The following NBEAL1 variants were observed in gnomAD, a reference collection of about 807,000 sequenced individuals.
NBEAL1 encodes the protein neurobeachin like 1.
NBEAL1 carries 273 observed loss-of-function variants against 351.3 expected under a neutral mutation model. The observed-to-expected ratio is 0.78, with a 90% CI of 0.70 to 0.86. The LOEUF (loss-of-function observed/expected upper bound fraction) is 0.86. Among genes scored for constraint, NBEAL1 ranks in the 40% least tolerant of loss-of-function variants. The pLI, the probability that NBEAL1 is intolerant of heterozygous loss-of-function variation, is 0.00. For synonymous variants in NBEAL1, 1,050 were observed against 1,086.4 expected, an observed-to-expected ratio of 0.97 and a Z score of 0.66; for missense variants, 2,961 against 3,201.3, an observed-to-expected ratio of 0.92 and a Z score of 1.81.
At position 203,183,295 on chromosome 2, in the gene NBEAL1, T is replaced by C; in HGVS notation, c.6612T>C (p.Arg2204=). The C allele has an allele frequency of 1.9e-6, 3 of 1,580,344 alleles. No individual in the cohort carries two copies. The highest frequency in any genetic ancestry group is 4.5e-5 in the East Asian group (2 of 44,344). ...ATGTCTTAGAATTTAACTTGGGTCG[T>C]CTACAGATTTCCAAAGAATTAGTAA... ...LENQNQFNLG[R]LQISKELVND... The change falls in exon 44 of 56, where the codon CGT becomes CGC. Residue 2204 remains arginine (R), a synonymous_variant. Coordinates refer to ENST00000683969, the MANE Select transcript of NBEAL1 (RefSeq NM_001378026.1).
At chr2:203,190,678 TAAG>T in intron 46 of NBEAL1, 1 of 229,680 alleles carries the variant, frequency 4.4e-6, no homozygotes, top group Non-Finnish European at 6.8e-6. Context: ...AACCCAGTCT[TAAG>T]AATCAAATTG....
Position 203,138,090 on chromosome 2 carries a change from T to C in NBEAL1, c.4566-72T>C, listed in dbSNP as rs1407222660. On this transcript the variant is annotated intron_variant, in intron 29 of 55. Transcript: ENST00000683969. ...TACAGTGCTGCCTCTCAAGCTATTT[T>C]GTTTTGTTTTTAATGTCCTACTGTT... 2.1e-6 allele frequency: 3 copies of C among 1,442,488 alleles called. No homozygotes were observed. The African/African-American group carries it at 4.3e-5, about 20-fold the overall frequency. The allele number at this position is 1,442,488 out of a possible 1,614,324, so 89.4% of individuals were successfully genotyped here. A position where few individuals can be genotyped will look rare whatever the true frequency, so the allele number is the denominator to read the frequency against.
At chr2:203,091,596 A>T (rs1333192797) in intron 10 of NBEAL1, among the ~76,000 whole-genome samples, 1 of 152,176 alleles carries the variant, frequency 6.6e-6, no homozygotes, top group Admixed American at 6.5e-5. Flanking sequence ...AACAGTGCAC[A>T]AAGTTTTCAA....
chr2:203,204,859 G>T (rs569803349), intron 51 of NBEAL1, among the ~76,000 whole-genome samples: 1 of 152,018 alleles, frequency 6.6e-6, no homozygotes, highest in East Asian at 1.9e-4. Flanking sequence ...CAATTATATC[G>T]AATTACTTTG....
At chr2:203,064,135 C>T (rs950123178) in intron 6 of NBEAL1, among the ~76,000 whole-genome samples, 3 of 152,010 alleles carry the variant, frequency 2.0e-5, no homozygotes, top group Admixed American at 6.6e-5. Context: ...CTCACTGCAA[C>T]CTCCGCCTCC....
At chr2:203,121,558 A>G (rs895664578) in intron 18 of NBEAL1, among the ~76,000 whole-genome samples, 1 of 151,280 alleles carries the variant, frequency 6.6e-6, no homozygotes, top group Admixed American at 6.6e-5. Flanking sequence ...AGGCTGAGGC[A>G]GGAGAATTGC....
chr2:203,209,711 A>ATGTG (rs1491566182), intron 53 of NBEAL1, among the ~76,000 whole-genome samples: 5 of 32,944 alleles, frequency 1.5e-4, no homozygotes, highest in East Asian at 1.8e-3. Context: ...TATTTAATTA[A>ATGTG]TATGTGTGTG....
chr2:203,149,177 C>G (rs772498452), intron 34 of NBEAL1, 29 bp downstream of exon 34: 1 of 1,542,522 alleles, frequency 6.5e-7, no homozygotes, highest in Non-Finnish European at 8.8e-7. Flanking sequence ...ATTAAGTACT[C>G]CTTTTTCTTT....
At chr2:203,033,117 C>G (rs2060978230) in intron 2 of NBEAL1, among the ~76,000 whole-genome samples, 1 of 152,070 alleles carries the variant, frequency 6.6e-6, no homozygotes, top group Non-Finnish European at 1.5e-5. Flanking sequence ...TCTCCTGCCT[C>G]AGCCTCCCGA....
At chr2:203,153,330 C>T (rs796677321) in intron 35 of NBEAL1, among the ~76,000 whole-genome samples, 1 of 131,686 alleles carries the variant, frequency 7.6e-6, no homozygotes, top group Non-Finnish European at 1.6e-5. Flanking sequence ...TTGGTAGAGA[C>T]AAGGTCTCAC....
chr2:203,183,932 G>A (rs937146143), intron 44 of NBEAL1, among the ~76,000 whole-genome samples: 1 of 151,938 alleles, frequency 6.6e-6, no homozygotes, highest in Non-Finnish European at 1.5e-5. Context: ...AAAAAAATTA[G>A]CCAGGCGTGG....
intron 6 of NBEAL1, among the ~76,000 whole-genome samples, chr2:203,057,901 T>C (rs2061431984): frequency 6.6e-6 from 1 of 151,498 alleles, no homozygotes; most frequent in Non-Finnish European, 1.5e-5. Flanking sequence ...AGTGGCACAG[T>C]GGCATGATTT....
chr2:203,098,459 A>G (rs949624277), intron 11 of NBEAL1, among the ~76,000 whole-genome samples: 1 of 152,206 alleles, frequency 6.6e-6, no homozygotes. Flanking sequence ...TACTTAATGT[A>G]GATTAATAAA....
chr2:203,052,760 A>G (rs2061344101), intron 4 of NBEAL1, among the ~76,000 whole-genome samples: 1 of 102,638 alleles, frequency 9.7e-6, no homozygotes, highest in African/African-American at 3.6e-5. Context: ...ATTTATTTGT[A>G]TTTTTTGTAG....
intron 24 of NBEAL1, 65 bp from the exon 25 acceptor site, chr2:203,130,253 A>G (rs1259991066): frequency 3.6e-6 from 5 of 1,382,226 alleles, no homozygotes; most frequent in Middle Eastern, 1.8e-4. Context: ...TTTGTGGCTT[A>G]TGACCTTATT....
intron 3 of NBEAL1, among the ~76,000 whole-genome samples, chr2:203,046,441 T>C (rs544558331): frequency 3.7e-4 from 56 of 151,978 alleles, no homozygotes; most frequent in African/African-American, 1.0e-3. Flanking sequence ...ATGGTCTCCA[T>C]CTCCTGACCT....
intron 4 of NBEAL1, among the ~76,000 whole-genome samples, chr2:203,053,184 A>C (rs961756014): frequency 6.6e-6 from 1 of 152,166 alleles, no homozygotes; most frequent in Non-Finnish European, 1.5e-5. Flanking sequence ...ACCATTTTGC[A>C]TTCCCACCAA....
chr2:203,040,079 T>C, intron 2 of NBEAL1: 1 of 770,304 alleles, frequency 1.3e-6, no homozygotes, highest in Non-Finnish European at 2.2e-6. Context: ...GGTGGGGTTG[T>C]GCATGATCAG....
Position 203,097,534 on chromosome 2 carries a change from C to T in NBEAL1, c.1099-13C>T, listed in dbSNP as rs921729508. 1 of 971,414 alleles carries T rather than the reference C, an allele frequency of 1.0e-6. No homozygotes were observed. Among genetic ancestry groups the T allele is most frequent in the African/African-American group, 1.8e-5 (1 of 57,042 alleles). 60.2% of individuals were successfully genotyped at this position (971,414 alleles called of 1,614,324 possible). ...TGTTCTTTCTCCATTATTCTTGTCT[C>T]TGTTTTTAACAGCTATTTTTAAATG... On this transcript the variant is annotated splice_polypyrimidine_tract_variant and intron_variant, in intron 10 of 55. Coordinates refer to ENST00000683969, the MANE Select transcript of NBEAL1 (RefSeq NM_001378026.1).
Sources: allele counts gnomAD v4.1 joint callset (sites outside exome capture counted in the v4.1 genomes callset), GRCh38; gene constraint gnomAD v4.1.1; transcripts MANE v1.5; gene names NCBI Gene and HGNC (gene_info 2026-07-23, HGNC 2026-07-21).